PIK3R4: variants seen among roughly 807,000 people sequenced by gnomAD.
PIK3R4 encodes phosphoinositide-3-kinase regulatory subunit 4, also known as phosphoinositide 3-kinase regulatory subunit 4.
Under a neutral mutation model 136.5 loss-of-function variants are expected in PIK3R4, and 46 were observed. That is an observed-to-expected ratio of 0.34 (90% CI 0.27 to 0.43). PIK3R4 has a LOEUF of 0.43. Ranked by LOEUF, PIK3R4 falls within the 20% of genes least tolerant of loss-of-function variation. The pLI is 1.00. For synonymous variants in PIK3R4, 557 were observed against 566.7 expected (o/e 0.98, Z 0.24); for missense variants, 1,331 against 1,649.5 (o/e 0.81, Z 3.35).
chr3:130,682,359 G>A (rs1339471974), intron 16 of PIK3R4, among the ~76,000 whole-genome samples: 2 of 152,150 alleles, frequency 1.3e-5, no homozygotes, highest in Non-Finnish European at 2.9e-5. Flanking sequence ...CTAGAAGCAG[G>A]AAAAGGCAAG....
chr3:130,733,887 T>C lies in PIK3R4; in HGVS notation c.1111A>G (p.Lys371Glu). The change falls in exon 4 of 20, where the codon AAG becomes GAG. Residue 371 changes from lysine to glutamate, a missense_variant. By Grantham distance (56) the Lys-to-Glu change is moderately conservative. Coordinates refer to ENST00000356763, the MANE Select transcript of PIK3R4 (RefSeq NM_014602.3). ...ACCAAGATAACCAGCCCATTTTCCT[T>C]AGGCTCTCCTTCGGCTTTTTCTGGC... The part of the protein sequence containing the change: ...DLPEKAEGEP[K>E]ENGLVILVSV... 1 of 1,614,116 alleles carries C rather than the reference T, an allele frequency of 6.2e-7. No individual in the cohort carries two copies. Among genetic ancestry groups the C allele is most frequent in the Non-Finnish European group, 8.5e-7 (1 of 1,179,970 alleles).
In PIK3R4 at chr3:130,680,994, G is replaced by A; in HGVS notation, c.3780C>T (p.Gly1260=). The change falls in exon 18 of 20, where the codon GGC becomes GGT. Residue 1260 remains glycine, a synonymous_variant. Coordinates refer to ENST00000356763, the MANE Select transcript of PIK3R4 (RefSeq NM_014602.3). ...TAGTGTACCTTATTTTCATATCTGA[G>A]CCAGCTGTTAGTAGGATAGGATTTC... is the stretch of plus-strand genomic sequence containing the variant. ...ADGNPILLTA[G]SDMKIRFWDL... 4 of 1,555,128 alleles carry A rather than the reference G, an allele frequency of 2.6e-6. No homozygotes were observed. The highest frequency in any genetic ancestry group is 3.5e-6 in the Non-Finnish European group (4 of 1,134,384).
rs2107619367 is a variant in PIK3R4, at chr3:130,733,013, G to A, written c.1450+535C>T. 2.0e-5 allele frequency among the ~76,000 whole-genome samples: 3 copies of A among 152,204 alleles called. No individual in the cohort carries two copies. The South Asian group carries it at 6.2e-4, about 32-fold the overall frequency. ...GTATCACCTGATTTTGAGTGAGACAGGCAAAACAGGTAGGTGTGTATAACA... is the reference window on the plus strand; with the variant it reads ...GTATCACCTGATTTTGAGTGAGACAAGCAAAACAGGTAGGTGTGTATAACA... On this transcript the variant is annotated intron_variant, in intron 4 of 19. Coordinates refer to ENST00000356763, the MANE Select transcript of PIK3R4 (RefSeq NM_014602.3).
intron 3 of PIK3R4, among the ~76,000 whole-genome samples, chr3:130,735,121 A>G (rs1475324807): frequency 6.6e-6 from 1 of 152,242 alleles, no homozygotes; most frequent in Non-Finnish European, 1.5e-5. Flanking sequence ...GCACTGTTCA[A>G]TAAATATGGC....
chr3:130,710,331 G>C (rs1240578802), intron 9 of PIK3R4, among the ~76,000 whole-genome samples: 7 of 151,856 alleles, frequency 4.6e-5, no homozygotes, highest in African/African-American at 1.7e-4. Flanking sequence ...CACATTAACA[G>C]AACAGAAAAA....
intron 9 of PIK3R4, among the ~76,000 whole-genome samples, chr3:130,715,508 T>C (rs1233470229): frequency 6.6e-6 from 1 of 152,182 alleles, no homozygotes; most frequent in Non-Finnish European, 1.5e-5. Context: ...TCTCTGATCA[T>C]GAGTGATGTT....
intron 13 of PIK3R4, among the ~76,000 whole-genome samples, chr3:130,697,681 T>A (rs2066553967): frequency 6.6e-6 from 1 of 152,212 alleles, no homozygotes; most frequent in Admixed American, 6.5e-5. Context: ...AAATTACATA[T>A]CTACATGTCA....
In PIK3R4 at chr3:130,746,362, G is replaced by A. The variant is rs985365440; in HGVS notation, c.-91C>T. ...TCAAAATCGTTCAGAGGCTCACAACGAGGTCATAGTAGACTACTTCGGGGA... is the reference window on the plus strand; with the variant it reads ...TCAAAATCGTTCAGAGGCTCACAACAAGGTCATAGTAGACTACTTCGGGGA... On this transcript the variant is annotated 5_prime_UTR_variant, in exon 1 of 20. Coordinates refer to ENST00000356763, the MANE Select transcript of PIK3R4 (RefSeq NM_014602.3). 2.0e-5 allele frequency: 3 copies of A among 152,246 alleles called. No homozygotes were observed. Among genetic ancestry groups the A allele is most frequent in the African/African-American group, 7.2e-5 (3 of 41,436 alleles). The allele number at this position is 152,246 out of a possible 1,614,324, so 9.4% of individuals were successfully genotyped here.
At chr3:130,683,159 A>G (rs2066469143) in intron 16 of PIK3R4, among the ~76,000 whole-genome samples, 7 of 152,230 alleles carry the variant, frequency 4.6e-5, no homozygotes, top group Admixed American at 4.6e-4. Context: ...TTACTGAAAG[A>G]ATACCATAGG....
chr3:130,743,854 TGA>T (rs1442492443), intron 2 of PIK3R4, among the ~76,000 whole-genome samples: 1 of 152,208 alleles, frequency 6.6e-6, no homozygotes, highest in African/African-American at 2.4e-5. Context: ...CTGATCTGGC[TGA>T]GTTTGGGCCT....
chr3:130,726,005 T>A (rs928396314), intron 6 of PIK3R4: 1 of 152,128 alleles, frequency 6.6e-6, no homozygotes, highest in Non-Finnish European at 1.5e-5. Context: ...GAATAGCTTA[T>A]AAATGTGTCA....
chr3:130,730,981 C>A (rs1026676763), intron 4 of PIK3R4, among the ~76,000 whole-genome samples: 1 of 152,204 alleles, frequency 6.6e-6, no homozygotes, highest in African/African-American at 2.4e-5. Context: ...ACAAGTGATA[C>A]TCAAGTTCTT....
intron 6 of PIK3R4, among the ~76,000 whole-genome samples, chr3:130,725,665 G>C (rs1001423001): frequency 6.6e-6 from 1 of 151,342 alleles, no homozygotes; most frequent in African/African-American, 2.4e-5. Context: ...CAAAAATCAA[G>C]TTAAAGAACT....
At chr3:130,716,627 C>A (rs1330607457) in intron 8 of PIK3R4, 28 bp from the exon 9 acceptor site, 2 of 1,409,716 alleles carry the variant, frequency 1.4e-6, no homozygotes, top group African/African-American at 1.4e-5. Flanking sequence ...AAAGGATCAG[C>A]CAAAAATATA....
chr3:130,684,357 C>G lies in PIK3R4; in HGVS notation c.3500G>C (p.Cys1167Ser). The G allele has an allele frequency of 6.2e-7, 1 of 1,613,412 alleles. No individual in the cohort carries two copies. The highest frequency in any genetic ancestry group is 1.1e-5 in the South Asian group (1 of 91,060). The part of the protein sequence containing the change: ...CIGTSSGTMA[C>S]WDMRFQLPIS... ...TGGCAACTGGAACCTCATGTCCCAACAAGCCATGGTACCACTGCTTGTACC... is the reference window on the plus strand; with the variant it reads ...TGGCAACTGGAACCTCATGTCCCAAGAAGCCATGGTACCACTGCTTGTACC... Residue 1167 changes from cysteine (C) to serine (S), a missense_variant, in exon 16 of 20, where the codon TGT becomes TCT. By Grantham distance (112) the Cys-to-Ser change is moderately radical (BLOSUM62 -1). Around this residue, in one of 2 missense-constraint regions of PIK3R4, gnomAD observed 1,180 missense variants for 1,407.0 expected, o/e 0.84. Coordinates refer to ENST00000356763, the MANE Select transcript of PIK3R4 (RefSeq NM_014602.3).
In PIK3R4 at chr3:130,735,909, T is replaced by C; in HGVS notation, c.827A>G (p.Gln276Arg). The C allele has an allele frequency of 6.2e-7, 1 of 1,612,658 alleles. No individual in the cohort carries two copies. Among genetic ancestry groups the C allele is most frequent in the Non-Finnish European group, 8.5e-7 (1 of 1,179,480 alleles). ...GTGATCTTCAATTTTATTTAGCACT[T>C]GTTCAGGGAAAAAATGTCCATTTCT... ...AYRNGHFFPE[Q>R]VLNKIEDHSI... Residue 276 changes from glutamine to arginine, a missense_variant, in exon 3 of 20, where the codon CAA (glutamine) becomes CGA (arginine). By Grantham distance (43) the Gln-to-Arg change is conservative (BLOSUM62 1). Around this residue, in one of 2 missense-constraint regions of PIK3R4, gnomAD observed 1,180 missense variants for 1,407.0 expected, o/e 0.84. Coordinates refer to ENST00000356763, the MANE Select transcript of PIK3R4 (RefSeq NM_014602.3).
chr3:130,728,705 A>T, intron 5 of PIK3R4, 21 bp from the exon 6 acceptor site: 1 of 1,396,774 alleles, frequency 7.2e-7, no homozygotes, highest in Non-Finnish European at 9.8e-7. Context: ...AAAAAAAAGA[A>T]AGAAAGAAAG....
intron 12 of PIK3R4, 42 bp downstream of exon 12, chr3:130,705,519 C>A (rs1191887457): frequency 1.6e-6 from 2 of 1,256,662 alleles, no homozygotes; most frequent in East Asian, 4.7e-5. Flanking sequence ...TAGCCTTAAG[C>A]ACCTAGACTA....
At chr3:130,688,347 C>A (rs2066499926) in intron 14 of PIK3R4, among the ~76,000 whole-genome samples, 1 of 152,182 alleles carries the variant, frequency 6.6e-6, no homozygotes, top group African/African-American at 2.4e-5. Flanking sequence ...AGTTGAGTTC[C>A]TTTTGTCATT....
Sources: gnomAD v4.1 joint callset for allele counts (sites outside exome capture counted in the v4.1 genomes callset) on GRCh38, gnomAD v4.1.1 for gene constraint, gnomAD v4.1.1 regional missense constraint, MANE v1.5 for transcripts, NCBI Gene and HGNC (gene_info 2026-07-23, HGNC 2026-07-21) for gene names.